The following ATF7IP variants were observed in gnomAD, a reference collection of about 807,000 sequenced individuals.
ATF7IP encodes activating transcription factor 7 interacting protein.
ATF7IP carries 23 observed loss-of-function variants against 106.4 expected under a neutral mutation model. The ratio of observed to expected loss-of-function variants is 0.22; its 90% CI spans 0.16 to 0.31. The LOEUF (loss-of-function observed/expected upper bound fraction) is 0.31, where lower values mean the gene tolerates loss of function less well. Among genes scored for constraint, ATF7IP ranks in the 10% least tolerant of loss-of-function variants. The pLI is 1.00. For synonymous variants in ATF7IP, 542 were observed against 539.0 expected (o/e 1.01, Z -0.08); for missense variants, 1,334 against 1,524.3 (o/e 0.88, Z 2.08).
At chr12:14,467,075 T>G (rs1943861340) in intron 10 of ATF7IP, among the ~76,000 whole-genome samples, 2 of 152,132 alleles carry the variant, frequency 1.3e-5, no homozygotes, top group Admixed American at 1.3e-4. Context: ...TTTGCCAGTC[T>G]TTGTACTTTT....
chr12:14,473,302 G>A (rs767477611), intron 10 of ATF7IP, among the ~76,000 whole-genome samples: 5,307 of 151,102 alleles, frequency 0.035, 209 homozygotes, highest in African/African-American at 0.081. Context: ...GTGTGTGTGT[G>A]TGTGTGTGTG....
chr12:14,420,472 A>G (rs1177024517), intron 1 of ATF7IP: 1 of 152,406 alleles, frequency 6.6e-6, no homozygotes, highest in Non-Finnish European at 1.5e-5. Context: ...TACTAAAAAT[A>G]CAAAAAATTA....
intron 1 of ATF7IP, among the ~76,000 whole-genome samples, chr12:14,389,867 G>A (rs553160751): frequency 5.3e-4 from 80 of 152,146 alleles, no homozygotes; most frequent in African/African-American, 1.9e-3. Flanking sequence ...TAGGTGATCC[G>A]CCCGCCTCGG....
At chr12:14,418,485 T>C (rs1941318834) in intron 1 of ATF7IP, among the ~76,000 whole-genome samples, 1 of 152,192 alleles carries the variant, frequency 6.6e-6, no homozygotes, top group Non-Finnish European at 1.5e-5. Flanking sequence ...AGAATAGTTT[T>C]ATGAATGGCA....
At chr12:14,431,045 A>G (rs923374550) in intron 2 of ATF7IP, among the ~76,000 whole-genome samples, 2 of 152,244 alleles carry the variant, frequency 1.3e-5, no homozygotes, top group African/African-American at 2.4e-5. Flanking sequence ...TCTATAAAGT[A>G]TAATTCTGAA....
chr12:14,468,036 G>A (rs1480131448), intron 10 of ATF7IP, among the ~76,000 whole-genome samples: 1 of 151,548 alleles, frequency 6.6e-6, no homozygotes, highest in Non-Finnish European at 1.5e-5. Context: ...GGAGGCCGAG[G>A]CGGGCAGATC....
chr12:14,473,277 T>G (rs61922692), intron 10 of ATF7IP, among the ~76,000 whole-genome samples: 7,362 of 32,098 alleles, frequency 0.23, 681 homozygotes, highest in African/African-American at 0.4. Context: ...TTTAGCGCGC[T>G]CTCTCTCTCT....
At chr12:14,492,323 A>G (rs955353596) in intron 13 of ATF7IP, among the ~76,000 whole-genome samples, 1 of 152,150 alleles carries the variant, frequency 6.6e-6, no homozygotes, top group Non-Finnish European at 1.5e-5. Flanking sequence ...GTAGTCCCTG[A>G]AATGTCTGAT....
Position 14,436,092 on chromosome 12 carries a change from GTTTTCCT to G in ATF7IP, c.1646-12_1646-6del. The G allele has an allele frequency of 1.2e-6, 2 of 1,611,152 alleles. No homozygotes were observed. Among genetic ancestry groups the G allele is most frequent in the African/African-American group, 2.7e-5 (2 of 74,948 alleles). ...AAAACACCTGAGTGTGATCATTGTG[GTTTTCCT>G]TCTCAGATGAATTTTCTAGACGAAA... On this transcript the variant is annotated splice_polypyrimidine_tract_variant and splice_region_variant and intron_variant, in intron 3 of 14. Coordinates refer to ENST00000261168, the MANE Select transcript of ATF7IP (RefSeq NM_018179.5).
intron 8 of ATF7IP, among the ~76,000 whole-genome samples, chr12:14,458,419 A>G (rs543133542): frequency 6.6e-6 from 1 of 152,362 alleles, no homozygotes; most frequent in South Asian, 2.1e-4. Flanking sequence ...GCCCTTACAG[A>G]TAATTGTGGA....
At chr12:14,399,848 A>G (rs992136219) in intron 1 of ATF7IP, among the ~76,000 whole-genome samples, 1 of 151,956 alleles carries the variant, frequency 6.6e-6, no homozygotes. Flanking sequence ...TCATTTTTGT[A>G]TTTGAGATTT....
intron 13 of ATF7IP, among the ~76,000 whole-genome samples, chr12:14,494,231 A>G (rs1278795018): frequency 2.8e-5 from 4 of 140,858 alleles, no homozygotes; most frequent in Admixed American, 7.4e-5. Flanking sequence ...TCTGGACCCC[A>G]TTCCTGGTAC....
At chr12:14,416,920 G>T in intron 1 of ATF7IP, 1 of 985,268 alleles carries the variant, frequency 1.0e-6, no homozygotes, top group Non-Finnish European at 1.2e-6. Context: ...TATAAACTAA[G>T]AGTATGGCTG....
intron 5 of ATF7IP, among the ~76,000 whole-genome samples, chr12:14,441,279 T>G (rs1942680987): frequency 6.6e-6 from 1 of 152,150 alleles, no homozygotes; most frequent in Non-Finnish European, 1.5e-5. Flanking sequence ...AGCATCTGAA[T>G]GGTATGAAGT....
rs759412127 is a variant in ATF7IP at position 14,500,430 on chromosome 12, C to G, written c.*2357C>G. 6.6e-6 allele frequency: 1 copy of G among 152,178 alleles called. No homozygotes were observed. Among genetic ancestry groups the G allele is most frequent in the Non-Finnish European group, 1.5e-5 (1 of 68,022 alleles). 9.4% of individuals were successfully genotyped at this position (152,178 alleles called of 1,614,324 possible). A position where few individuals can be genotyped will look rare whatever the true frequency, so the allele number is the denominator to read the frequency against. ...ACCAATTATGTAGATATTACTCATT[C>G]TAGGACTAATGATGATGGTAAAGAA... On this transcript the variant is annotated 3_prime_UTR_variant, in exon 15 of 15. Transcript: ENST00000261168.
At chr12:14,410,591 TAATA>T (rs914661549) in intron 1 of ATF7IP, among the ~76,000 whole-genome samples, 1 of 152,164 alleles carries the variant, frequency 6.6e-6, no homozygotes, top group African/African-American at 2.4e-5. Flanking sequence ...ATTTTTGACT[TAATA>T]AAGGAAAGAA....
At chr12:14,421,102 T>C (rs1415284155) in intron 1 of ATF7IP, among the ~76,000 whole-genome samples, 1 of 152,226 alleles carries the variant, frequency 6.6e-6, no homozygotes, top group Admixed American at 6.5e-5. Context: ...ACAGGAAACA[T>C]CCTTGTTTTC....
At chr12:14,381,230 C>A (rs1043236258) in intron 1 of ATF7IP, among the ~76,000 whole-genome samples, 7 of 151,992 alleles carry the variant, frequency 4.6e-5, no homozygotes. Context: ...TACAACTGGT[C>A]GTGCTTATTT....
At chr12:14,403,996 C>G (rs1411251024) in intron 1 of ATF7IP, among the ~76,000 whole-genome samples, 1 of 151,910 alleles carries the variant, frequency 6.6e-6, no homozygotes, top group African/African-American at 2.4e-5. Context: ...TCTTTTTTCC[C>G]CCGTCTCACT....
Sources: gnomAD v4.1 joint callset for allele counts (sites outside exome capture counted in the v4.1 genomes callset) on GRCh38, gnomAD v4.1.1 for gene constraint, MANE v1.5 for transcripts, NCBI Gene and HGNC (gene_info 2026-07-23, HGNC 2026-07-21) for gene names.